The following REXO1 variants were observed in gnomAD, a reference collection of about 807,000 sequenced individuals.
REXO1 encodes RNA exonuclease 1 homolog, also known as REX1, RNA exonuclease 1 homolog.
REXO1 carries 42 observed loss-of-function variants against 102.6 expected under a neutral mutation model. The observed-to-expected ratio is 0.41, with a 90% confidence interval of 0.32 to 0.53. The LOEUF is 0.53. Among genes scored for constraint, REXO1 ranks in the 20% least tolerant of loss-of-function variants. The pLI, the probability that REXO1 is intolerant of heterozygous loss-of-function variation, is 0.27. For synonymous variants in REXO1, 908 were observed against 779.1 expected (o/e 1.17, Z -2.76); for missense variants, 1,819 against 1,732.5 (o/e 1.05, Z -0.89).
rs34012959 is a variant in REXO1, at chr19:1,816,135, G to C, written c.3597C>G (p.Ser1199Arg). The C allele has an allele frequency of 6.4e-7, 1 of 1,550,552 alleles. No individual in the cohort carries two copies. The highest frequency in any genetic ancestry group is 2.0e-5 in the Admixed American group (1 of 51,102). The change falls in exon 16 of 16, where the codon AGC becomes AGG. Residue 1199 changes from serine (S) to arginine (R), a missense_variant. Transcript: ENST00000170168. ...IQDNVDGHSSSEDAGACMHLV... is the reference protein window; with the variant it reads ...IQDNVDGHSSREDAGACMHLV... ...GGTGCATGCAGGCGCCGGCGTCCTCGCTGGAGCTGTGCCCATCCACTGCGG... is the reference window on the plus strand; with the variant it reads ...GGTGCATGCAGGCGCCGGCGTCCTCCCTGGAGCTGTGCCCATCCACTGCGG...
chr19:1,825,315 A>AC (rs1315287044), intron 3 of REXO1, among the ~76,000 whole-genome samples: 10 of 142,130 alleles, frequency 7.0e-5, no homozygotes, highest in South Asian at 2.2e-4. Flanking sequence ...AAAAAAAAAA[A>AC]AAAAAAACAA....
Position 1,827,834 on chromosome 19 carries a change from C to T in REXO1, c.955G>A (p.Gly319Arg), listed in dbSNP as rs374880144. The T allele has an allele frequency of 5.6e-6, 9 of 1,611,562 alleles. No individual in the cohort carries two copies. The highest frequency in any genetic ancestry group is 1.3e-5 in the African/African-American group (1 of 75,022). ...AGGCCCTCTTTGGAGGGTGGCTGCC[C>T]GGTGGCCTTGATCTCAGGGTCGGCC... The part of the protein sequence containing the change: ...ARADPEIKAT[G>R]QPPSKEGLEA... The change falls in exon 2 of 16, where the codon GGG becomes AGG. Residue 319 changes from glycine (G) to arginine (R), a missense_variant. Coordinates refer to ENST00000170168, the MANE Select transcript of REXO1 (RefSeq NM_020695.4).
chr19:1,840,463 G>A (rs529940860), intron 1 of REXO1, among the ~76,000 whole-genome samples: 47 of 152,224 alleles, frequency 3.1e-4, no homozygotes, highest in African/African-American at 9.4e-4. Flanking sequence ...GAGCCCCATC[G>A]GCGGCAAGCT....
At chr19:1,839,247 T>G (rs2011194289) in intron 1 of REXO1, among the ~76,000 whole-genome samples, 1 of 138,354 alleles carries the variant, frequency 7.2e-6, no homozygotes, top group Non-Finnish European at 1.5e-5. Flanking sequence ...AGAGCGAGAC[T>G]CTATCTCCAA....
chr19:1,816,466 C>G lies in REXO1; in HGVS notation c.3421G>C (p.Gly1141Arg). The change falls in exon 14 of 16, where the codon GGA (glycine) becomes CGA (arginine). Residue 1141 changes from glycine to arginine, a missense_variant. Physicochemically the swap from Gly to Arg is moderately radical, Grantham distance 125 (BLOSUM62 -2). Coordinates refer to ENST00000170168, the MANE Select transcript of REXO1 (RefSeq NM_020695.4). ...SMFSADTILI[G>R]HSLESDLLAL... ...AGGAGGTCGCTCTCCAGGCTGTGTC[C>G]GATGAGGATGGTGTCAGCGCTGAAC... 6.2e-7 allele frequency: 1 copy of G among 1,612,422 alleles called. No homozygotes were observed. The highest frequency in any genetic ancestry group is 8.5e-7 in the Non-Finnish European group (1 of 1,179,700).
chr19:1,845,913 C>T (rs1336324237), intron 1 of REXO1, among the ~76,000 whole-genome samples: 2 of 152,184 alleles, frequency 1.3e-5, no homozygotes, highest in Non-Finnish European at 2.9e-5. Context: ...CCAGCCCTGC[C>T]CTGGCCAGGT....
intron 10 of REXO1, among the ~76,000 whole-genome samples, 173 bp from the exon 11 acceptor site, chr19:1,817,953 C>A (rs1389050297): frequency 6.6e-6 from 1 of 152,184 alleles, no homozygotes; most frequent in Non-Finnish European, 1.5e-5. Context: ...CGTGTGGCAG[C>A]CAGGACGCCC....
chr19:1,848,229 C>G lies in REXO1; in HGVS notation c.130G>C (p.Asp44His). 1 of 1,228,146 alleles carries G rather than the reference C, an allele frequency of 8.1e-7. No individual in the cohort carries two copies. Among genetic ancestry groups the G allele is most frequent in the Non-Finnish European group, 1.0e-6 (1 of 982,282 alleles). 76.1% of individuals were successfully genotyped at this position (1,228,146 alleles called of 1,614,324 possible). Residue 44 changes from aspartate to histidine, a missense_variant, in exon 1 of 16, where the codon GAC (aspartate) becomes CAC (histidine). Asp to His is a moderately conservative substitution (Grantham distance 81). Transcript: ENST00000170168. Reference protein sequence around the residue: ...RGARGSGAPGDGGEAPPAAGL... With the variant: ...RGARGSGAPGHGGEAPPAAGL... ...GCTGCGGGGGGCGCCTCTCCGCCGT[C>G]ACCGGGCGCGCCGGAGCCCCGGGCC...
In REXO1 at chr19:1,823,647, A is replaced by G. The variant is rs752860402; in HGVS notation, c.2155T>C (p.Ser719Pro). 7 of 1,302,608 alleles carry G rather than the reference A, an allele frequency of 5.4e-6. No homozygotes were observed. The South Asian group carries it at 2.0e-4, about 37-fold the overall frequency. The allele number at this position is 1,302,608 out of a possible 1,614,324, so 80.7% of individuals were successfully genotyped here. Residue 719 changes from serine to proline, a missense_variant, in exon 4 of 16, where the codon TCG (serine) becomes CCG (proline). Transcript: ENST00000170168. ...LQAPARLAEK[S>P]PSVHISAPGE... The stretch of plus-strand genomic sequence containing the variant: ...GGGGCGGAAATGTGGACGGAGGGCG[A>G]CTTCTCTGCCAGCCTGGCGGGGGCC...
At chr19:1,834,932 C>T in intron 1 of REXO1, 1 of 422,700 alleles carries the variant, frequency 2.4e-6, no homozygotes, top group Non-Finnish European at 4.8e-6. Flanking sequence ...ACTGGGCTCC[C>T]CCACCCTGCA....
At chr19:1,845,090 G>C (rs1375584005) in intron 1 of REXO1, among the ~76,000 whole-genome samples, 1 of 152,192 alleles carries the variant, frequency 6.6e-6, no homozygotes, top group African/African-American at 2.4e-5. Context: ...AGAGGCCTGG[G>C]TTCTGAGGTC....
rs751743055 is a variant in REXO1, at chr19:1,817,341, G to A, written c.3091-12C>T. ...TCCTGCACGTGTTGCTGGGGGTGGA[G>A]AAGGCAGGTGAGGGCAGCTTCGGGG... On this transcript the variant is annotated splice_polypyrimidine_tract_variant and intron_variant, in intron 11 of 15. Transcript: ENST00000170168. 2 of 1,611,656 alleles carry A rather than the reference G, an allele frequency of 1.2e-6. No homozygotes were observed. The highest frequency in any genetic ancestry group is 1.7e-4 in the Middle Eastern group (1 of 6,050).
Position 1,818,812 on chromosome 19 carries a change from G to A in REXO1, c.2796C>T (p.Tyr932=). Reference sequence around the variant, plus strand: ...CCTTGAGCTGGTCCTGGGTGAGCAGGTACTCCCTGAGGCGGCTGTACAGGG... The same window carrying A: ...CCTTGAGCTGGTCCTGGGTGAGCAGATACTCCCTGAGGCGGCTGTACAGGG... The part of the protein sequence containing the change: ...GAALYSRLRE[Y]LLTQDQLKEN... The change falls in exon 9 of 16, where the codon TAC becomes TAT. Residue 932 remains tyrosine, a synonymous_variant. Transcript: ENST00000170168. 1.2e-6 allele frequency: 2 copies of A among 1,609,426 alleles called. No homozygotes were observed. Among genetic ancestry groups the A allele is most frequent in the Non-Finnish European group, 1.7e-6 (2 of 1,179,868 alleles).
chr19:1,825,954 TGTCC>T lies in REXO1; in HGVS notation c.1912-15_1912-12del. 1 of 1,593,650 alleles carries T rather than the reference TGTCC, an allele frequency of 6.3e-7. No homozygotes were observed. The highest frequency in any genetic ancestry group is 8.6e-7 in the Non-Finnish European group (1 of 1,162,508). ...CTCTTCCTTGGGGGGCTAAGACACA[TGTCC>T]GTCCGTCAGCACAGGTCTGCCCTCG... On this transcript the variant is annotated splice_polypyrimidine_tract_variant and intron_variant, in intron 2 of 15. Coordinates refer to ENST00000170168, the MANE Select transcript of REXO1 (RefSeq NM_020695.4).
At chr19:1,833,789 GC>G (rs1388283187) in intron 1 of REXO1, among the ~76,000 whole-genome samples, 1 of 152,250 alleles carries the variant, frequency 6.6e-6, no homozygotes, top group Non-Finnish European at 1.5e-5. Context: ...AAGCCCGGCT[GC>G]CCAGTGACGT....
chr19:1,819,449 G>A (rs528967621), intron 7 of REXO1, among the ~76,000 whole-genome samples: 1 of 152,052 alleles, frequency 6.6e-6, no homozygotes. Context: ...AATGGCTTTC[G>A]AGGGCTTTGA....
In REXO1 at chr19:1,828,574, T is replaced by G. The variant is rs536701376; in HGVS notation, c.215A>C (p.Asn72Thr). ...CTCCTCCCCCAGGCCCAGGGTGCCA[T>G]TCTCCCTCTGCGCGGGGGGCTTGGG... ...ELPKPPAQRE[N>T]GTLGLGEEPR... Residue 72 changes from asparagine (N) to threonine (T), a missense_variant, in exon 2 of 16, where the codon AAT becomes ACT. Asn to Thr is a moderately conservative substitution (Grantham distance 65, BLOSUM62 0). Transcript: ENST00000170168. 301 of 1,603,984 alleles carry G rather than the reference T, an allele frequency of 1.9e-4. No individual in the cohort carries two copies. Among genetic ancestry groups the G allele is most frequent in the Non-Finnish European group, 2.4e-4 (287 of 1,179,808 alleles).
At chr19:1,816,617 G>T in intron 13 of REXO1, 48 bp from the exon 14 acceptor site, 1 of 1,601,048 alleles carries the variant, frequency 6.2e-7, no homozygotes. Flanking sequence ...TGGAAGCACT[G>T]GCTGGTGGGG....
At chr19:1,831,453 C>CGCAGAGAACAG (rs2069898806) in intron 1 of REXO1, among the ~76,000 whole-genome samples, 1 of 152,144 alleles carries the variant, frequency 6.6e-6, no homozygotes, top group African/African-American at 2.4e-5. Context: ...ACAAGACCTC[C>CGCAGAGAACAG]CACTGTGGGC....
Sources: allele counts gnomAD v4.1 joint callset (sites outside exome capture counted in the v4.1 genomes callset), GRCh38; gene constraint gnomAD v4.1.1; transcripts MANE v1.5; gene names NCBI Gene and HGNC (gene_info 2026-07-23, HGNC 2026-07-21).